WDPCP: variants seen among roughly 807,000 people sequenced by gnomAD.
The protein encoded by WDPCP is WD repeat-containing and planar cell polarity effector protein fritz homolog.
Under a neutral mutation model 93.1 loss-of-function variants are expected in WDPCP, and 71 were observed. The observed-to-expected ratio is 0.76, with a 90% CI of 0.63 to 0.93. The LOEUF (loss-of-function observed/expected upper bound fraction) is 0.93. Ranked by LOEUF, WDPCP falls within the 40% of genes least tolerant of loss-of-function variation. The pLI is 0.00. For missense variants in WDPCP, 844 were observed against 887.4 expected (o/e 0.95, Z 0.62); for synonymous variants, 315 against 315.0 (o/e 1.00, Z 0.00).
At chr2:63,653,495 G>A (rs534283740) in intron 2 of WDPCP, among the ~76,000 whole-genome samples, 1 of 152,272 alleles carries the variant, frequency 6.6e-6, no homozygotes, top group East Asian at 1.9e-4. Context: ...ATCCTTAAAA[G>A]CAAGTCTGGA....
intron 9 of WDPCP, among the ~76,000 whole-genome samples, chr2:63,405,563 G>A (rs1276702577): frequency 6.6e-6 from 1 of 150,664 alleles, no homozygotes; most frequent in Non-Finnish European, 1.5e-5. Context: ...GTGTGTGTGT[G>A]TGTGTGTGTG....
intron 14 of WDPCP, among the ~76,000 whole-genome samples, chr2:63,255,644 A>G (rs62177822): frequency 0.3 from 45,949 of 152,030 alleles, 8,733 homozygotes; most frequent in Non-Finnish European, 0.41. Context: ...CTCACCAGGT[A>G]CAGATGCCAG....
chr2:63,260,780 C>G (rs1343080086), intron 13 of WDPCP, among the ~76,000 whole-genome samples: 1 of 152,172 alleles, frequency 6.6e-6, no homozygotes, highest in Non-Finnish European at 1.5e-5. Context: ...AAACTCCTGA[C>G]CTTGTGATCT....
intron 1 of WDPCP, among the ~76,000 whole-genome samples, chr2:63,562,351 A>C (rs1414772079): frequency 6.6e-6 from 1 of 152,144 alleles, no homozygotes; most frequent in Non-Finnish European, 1.5e-5. Flanking sequence ...GGGGAACAAC[A>C]CACACTGGGT....
chr2:63,316,666 A>G (rs2104020745), intron 12 of WDPCP, among the ~76,000 whole-genome samples: 1 of 152,014 alleles, frequency 6.6e-6, no homozygotes, highest in Middle Eastern at 3.4e-3. Flanking sequence ...ATAAATAAAT[A>G]AATAAATAAA....
intron 12 of WDPCP, among the ~76,000 whole-genome samples, chr2:63,328,613 G>A (rs765848846): frequency 3.9e-4 from 59 of 152,294 alleles, no homozygotes; most frequent in African/African-American, 1.2e-3. Context: ...GCGAGCGTCC[G>A]CGGCTTCATT....
intron 9 of WDPCP, among the ~76,000 whole-genome samples, chr2:63,414,635 C>A (rs1221168421): frequency 6.6e-6 from 1 of 152,024 alleles, no homozygotes; most frequent in Non-Finnish European, 1.5e-5. Context: ...AATGGAAAAC[C>A]AAAAATCTTA....
chr2:63,400,524 A>G (rs1694068911), intron 10 of WDPCP, among the ~76,000 whole-genome samples: 1 of 152,202 alleles, frequency 6.6e-6, no homozygotes, highest in Admixed American at 6.5e-5. Context: ...AACTTAAACA[A>G]ATTTACAAGA....
At chr2:63,405,532 A>AGTGTGCGTGT (rs1318629602) in intron 9 of WDPCP, among the ~76,000 whole-genome samples, 2 of 125,010 alleles carry the variant, frequency 1.6e-5, no homozygotes, top group African/African-American at 6.3e-5. Flanking sequence ...ATTTTGGTAT[A>AGTGTGCGTGT]GTGTGTGTGT....
chr2:63,458,477 A>G (rs1032567837), intron 6 of WDPCP, among the ~76,000 whole-genome samples: 2 of 152,162 alleles, frequency 1.3e-5, no homozygotes. Context: ...AATCAAGAAG[A>G]CAATCTCATT....
chr2:63,172,530 T>G (rs1045267909), intron 15 of WDPCP, among the ~76,000 whole-genome samples: 2 of 137,440 alleles, frequency 1.5e-5, no homozygotes, highest in African/African-American at 2.7e-5. Context: ...AAAATAATAA[T>G]AAAGAGGTAG....
intron 10 of WDPCP, among the ~76,000 whole-genome samples, chr2:63,395,831 G>A (rs929856144): frequency 6.6e-6 from 1 of 151,970 alleles, no homozygotes; most frequent in Non-Finnish European, 1.5e-5. Context: ...AAGTTCAAAC[G>A]GTTCTCCTGT....
At chr2:63,132,066 T>A (rs1256560011) in intron 17 of WDPCP, among the ~76,000 whole-genome samples, 1 of 151,880 alleles carries the variant, frequency 6.6e-6, no homozygotes, top group Non-Finnish European at 1.5e-5. Context: ...GAACTCCTGA[T>A]CTCAAGTGGT....
chr2:63,306,078 A>G (rs114109956), intron 13 of WDPCP, among the ~76,000 whole-genome samples: 2,593 of 152,326 alleles, frequency 0.017, 79 homozygotes, highest in African/African-American at 0.059. Context: ...TGATCACAGA[A>G]ATACAAACTA....
At chr2:63,128,083 G>A (rs1321950367) in intron 17 of WDPCP, among the ~76,000 whole-genome samples, 1 of 152,016 alleles carries the variant, frequency 6.6e-6, no homozygotes, top group African/African-American at 2.4e-5. Flanking sequence ...AGGTTGCAGT[G>A]AGCTGAGATC....
intron 2 of WDPCP, among the ~76,000 whole-genome samples, chr2:63,813,033 A>T (rs1670884126): frequency 2.0e-5 from 3 of 151,928 alleles, no homozygotes; most frequent in Admixed American, 1.3e-4. Context: ...AAAAAAAAAA[A>T]TTGTAGATAT....
rs1694414861 is a variant in WDPCP at position 63,404,550 on chromosome 2, CTCTT to C, written c.929_932del (p.Lys310SerfsTer26). 2.5e-6 allele frequency: 4 copies of C among 1,613,456 alleles called. No homozygotes were observed. The highest frequency in any genetic ancestry group is 1.7e-6 in the Non-Finnish European group (2 of 1,179,714). On this transcript the variant is annotated frameshift_variant, in exon 10 of 18. Transcript: ENST00000272321. LOFTEE classifies it high-confidence loss of function. ...CATAGATGCAGCTGTCAGCCATGGGCTCTTTGTCTACACTTACGGAGTGCTCCAC... is the reference window on the plus strand; with the variant it reads ...CATAGATGCAGCTGTCAGCCATGGGCTGTCTACACTTACGGAGTGCTCCAC...
intron 9 of WDPCP, among the ~76,000 whole-genome samples, chr2:63,425,584 T>C (rs1283721726): frequency 7.2e-5 from 11 of 152,224 alleles, no homozygotes; most frequent in African/African-American, 2.2e-4. Context: ...CAAAATACAA[T>C]TGGAAGCATT....
chr2:63,564,327 G>A (rs1182578753), intron 1 of WDPCP: 2 of 152,200 alleles, frequency 1.3e-5, no homozygotes, highest in East Asian at 3.9e-4. Context: ...TCTGTAACCT[G>A]TGGTTTTGGA....
Sources: gnomAD v4.1 joint callset for allele counts (sites outside exome capture counted in the v4.1 genomes callset) on GRCh38, gnomAD v4.1.1 for gene constraint, MANE v1.5 for transcripts, NCBI Gene and HGNC (gene_info 2026-07-23, HGNC 2026-07-21) for gene names.